LINGO2: variants seen among roughly 807,000 people sequenced by gnomAD.
The protein encoded by LINGO2 is leucine-rich repeat and immunoglobulin-like domain-containing nogo receptor-interacting protein 2.
In LINGO2, 14 loss-of-function variants were observed where a neutral mutation model predicts 30.6. The observed-to-expected ratio is 0.46, with a 90% CI of 0.30 to 0.72. LINGO2 has a LOEUF of 0.72. Ranked by LOEUF, LINGO2 falls within the 30% of genes least tolerant of loss-of-function variation. The probability of loss-of-function intolerance (pLI) is 0.07; values close to 1 mark genes in which losing one functional copy is unlikely to be tolerated. For missense variants in LINGO2, 729 were observed against 751.7 expected (o/e 0.97, Z 0.35); for synonymous variants, 317 against 288.5 (o/e 1.10, Z -1.00).
At chr9:28,934,771 T>C in the LINGO2 span, among the ~76,000 whole-genome samples, 1 of 152,166 alleles carries the variant, frequency 6.6e-6, no homozygotes, top group African/African-American at 2.4e-5. Context: ...TAGCATGATA[T>C]TTGTATGTCT....
chr9:28,474,443 AAC>A (rs1825648900), intron 2 of LINGO2, among the ~76,000 whole-genome samples: 1 of 152,108 alleles, frequency 6.6e-6, no homozygotes, highest in East Asian at 1.9e-4. Flanking sequence ...TCAAAAACAT[AAC>A]ACATATTGAA....
chr9:28,049,163 G>T lies in LINGO2; in HGVS notation c.-86-36758C>A, dbSNP rs1824558016. ...TTATCCTAGTCAGCAATGCATCATG[G>T]GACAACATCAAGAGCTCTGTGGCCC... On this transcript the variant is annotated intron_variant, in intron 4 of 5. Transcript: ENST00000379992. 1.7e-4 allele frequency among the ~76,000 whole-genome samples: 26 copies of T among 150,670 alleles called. 2 individuals carry two copies. The highest frequency in any genetic ancestry group is 1.3e-3 in the Admixed American group (19 of 15,004).
the LINGO2 span, among the ~76,000 whole-genome samples, chr9:28,766,295 A>G: frequency 6.6e-6 from 1 of 152,050 alleles, no homozygotes; most frequent in Non-Finnish European, 1.5e-5. Flanking sequence ...GGATCTGAAT[A>G]GACATTGTTC....
the LINGO2 span, among the ~76,000 whole-genome samples, chr9:28,762,988 C>T: frequency 6.6e-6 from 1 of 152,018 alleles, no homozygotes. Flanking sequence ...GTCTGACCTT[C>T]TCCATCCTTA....
chr9:28,713,618 T>C, the LINGO2 span, among the ~76,000 whole-genome samples: 2 of 152,160 alleles, frequency 1.3e-5, no homozygotes, highest in African/African-American at 4.8e-5. Flanking sequence ...TTTACATGTG[T>C]ATTTTCCATT....
intron 4 of LINGO2, among the ~76,000 whole-genome samples, chr9:28,067,744 A>G (rs771624779): frequency 2.0e-5 from 3 of 152,186 alleles, no homozygotes; most frequent in Non-Finnish European, 2.9e-5. Flanking sequence ...GCATGCTGCT[A>G]CCGATAATAT....
At chr9:29,176,332 G>A in the LINGO2 span, among the ~76,000 whole-genome samples, 1 of 152,168 alleles carries the variant, frequency 6.6e-6, no homozygotes, top group Non-Finnish European at 1.5e-5. Flanking sequence ...GTCCTTTGTT[G>A]AGACTAAAAT....
At chr9:29,014,351 C>T in the LINGO2 span, among the ~76,000 whole-genome samples, 7 of 152,152 alleles carry the variant, frequency 4.6e-5, no homozygotes, top group Non-Finnish European at 5.9e-5. Flanking sequence ...TCAGATGACA[C>T]CACTGCACTT....
At chr9:28,052,320 T>C (rs1286455698) in intron 4 of LINGO2, among the ~76,000 whole-genome samples, 3 of 152,126 alleles carry the variant, frequency 2.0e-5, no homozygotes, top group Non-Finnish European at 4.4e-5. Context: ...CAATTACAAG[T>C]AATGACTAGT....
upstream of LINGO2, among the ~76,000 whole-genome samples, chr9:28,671,662 CA>C (rs1829020107): frequency 6.6e-6 from 1 of 151,678 alleles, no homozygotes; most frequent in South Asian, 2.1e-4. Flanking sequence ...GGGAAAGAAT[CA>C]AAAAATTACG....
the LINGO2 span, among the ~76,000 whole-genome samples, chr9:29,001,382 A>G: frequency 6.6e-6 from 1 of 151,994 alleles, no homozygotes; most frequent in Admixed American, 6.6e-5. Flanking sequence ...TTTTATGTTG[A>G]TATTTTTAAG....
chr9:28,352,319 C>T (rs1378958120), intron 3 of LINGO2, among the ~76,000 whole-genome samples: 1,599 of 136,524 alleles, frequency 0.012, 21 homozygotes, highest in African/African-American at 0.042. Context: ...GATACAAAAT[C>T]AATGTACAAA....
the LINGO2 span, chr9:27,938,891 G>T: frequency 6.6e-6 from 1 of 152,130 alleles, no homozygotes; most frequent in Non-Finnish European, 1.5e-5. Context: ...TAAATTTTCT[G>T]TATCTTTTAA....
chr9:28,661,953 T>A (rs575831832), intron 1 of LINGO2, among the ~76,000 whole-genome samples: 3 of 152,236 alleles, frequency 2.0e-5, no homozygotes, highest in African/African-American at 7.2e-5. Context: ...ATATTTTCCA[T>A]GAACAAGCAG....
At chr9:29,179,697 G>T in the LINGO2 span, among the ~76,000 whole-genome samples, 1 of 152,180 alleles carries the variant, frequency 6.6e-6, no homozygotes, top group Admixed American at 6.5e-5. Context: ...GAGCCTCCGT[G>T]CCTGGCCCAT....
the LINGO2 span, among the ~76,000 whole-genome samples, chr9:28,758,084 G>T: frequency 6.6e-6 from 1 of 152,000 alleles, no homozygotes; most frequent in East Asian, 1.9e-4. Context: ...TATCTCCTGA[G>T]CTGAAGCAGA....
the LINGO2 span, among the ~76,000 whole-genome samples, chr9:29,023,286 T>G: frequency 6.6e-6 from 1 of 152,148 alleles, no homozygotes; most frequent in Non-Finnish European, 1.5e-5. Flanking sequence ...AATATGGAAT[T>G]TATTTTTCAT....
chr9:28,194,622 A>C (rs1301458957), intron 4 of LINGO2, among the ~76,000 whole-genome samples: 3 of 151,768 alleles, frequency 2.0e-5, no homozygotes, highest in Non-Finnish European at 4.4e-5. Flanking sequence ...TTCAAAATGC[A>C]TAAAAAAGAA....
chr9:28,175,000 C>G (rs1828710279), intron 4 of LINGO2, among the ~76,000 whole-genome samples: 1 of 151,490 alleles, frequency 6.6e-6, no homozygotes. Context: ...ATTCTACTGG[C>G]CAAGTATTGT....
Sources: gnomAD v4.1 joint callset for allele counts (sites outside exome capture counted in the v4.1 genomes callset) on GRCh38, gnomAD v4.1.1 for gene constraint, MANE v1.5 for transcripts, NCBI Gene and HGNC (gene_info 2026-07-23, HGNC 2026-07-21) for gene names.